The following GUCY1A2 variants were observed in gnomAD, a reference collection of about 807,000 sequenced individuals.
The protein encoded by GUCY1A2 is guanylate cyclase 1 soluble subunit alpha 2.
A neutral mutation model predicts 63.5 loss-of-function variants in GUCY1A2; 27 were observed. That is an observed-to-expected ratio of 0.43 (90% CI 0.31 to 0.59). The LOEUF (loss-of-function observed/expected upper bound fraction) is 0.59, where lower values mean the gene tolerates loss of function less well. Ranked by LOEUF, GUCY1A2 falls within the 20% of genes least tolerant of loss-of-function variation. GUCY1A2 has a pLI of 0.11. For missense variants in GUCY1A2, 768 were observed against 913.3 expected, an observed-to-expected ratio of 0.84 and a Z score of 2.05; for synonymous variants, 364 against 343.5, an observed-to-expected ratio of 1.06 and a Z score of -0.66.
At chr11:107,001,083 A>G (rs900043001) in intron 1 of GUCY1A2, among the ~76,000 whole-genome samples, 2 of 152,234 alleles carry the variant, frequency 1.3e-5, no homozygotes, top group African/African-American at 2.4e-5. Context: ...TTTTTCTTCC[A>G]CAAGTTCTGG....
At chr11:106,736,535 T>A (rs1490627657) in intron 6 of GUCY1A2, among the ~76,000 whole-genome samples, 1 of 152,194 alleles carries the variant, frequency 6.6e-6, no homozygotes, top group Non-Finnish European at 1.5e-5. Context: ...TTACCATAGC[T>A]CTGTAGTATA....
chr11:106,785,883 T>TG (rs1555031833), intron 5 of GUCY1A2, among the ~76,000 whole-genome samples: 1 of 151,780 alleles, frequency 6.6e-6, no homozygotes, highest in African/African-American at 2.4e-5. Flanking sequence ...CACCTTTTTT[T>TG]TTTTTTAAAG....
chr11:106,714,196 G>C (rs933421387), intron 6 of GUCY1A2, among the ~76,000 whole-genome samples: 1 of 151,732 alleles, frequency 6.6e-6, no homozygotes, highest in Non-Finnish European at 1.5e-5. Flanking sequence ...ATCCTTGAGG[G>C]GGCAGAGGGT....
Position 106,826,790 on chromosome 11 carries a change from C to A in GUCY1A2, c.1207-16312G>T, listed in dbSNP as rs1858976870. 4 of 1,610,280 alleles carry A rather than the reference C, an allele frequency of 2.5e-6. No individual in the cohort carries two copies. The South Asian group carries it at 4.4e-5, about 18-fold the overall frequency. On this transcript the variant is annotated intron_variant, in intron 4 of 7. Coordinates refer to ENST00000526355, the MANE Select transcript of GUCY1A2 (RefSeq NM_000855.3). ...GTCCACAGCCTCATCTGCTGCCAGACTGGGCTCAGCTGCCAGGATGTAGTA... is the reference window on the plus strand; with the variant it reads ...GTCCACAGCCTCATCTGCTGCCAGAATGGGCTCAGCTGCCAGGATGTAGTA...
chr11:106,939,595 C>A lies in GUCY1A2; in HGVS notation c.1071G>T (p.Val357=). 6.2e-7 allele frequency: 1 copy of A among 1,613,444 alleles called. No individual in the cohort carries two copies. Among genetic ancestry groups the A allele is most frequent in the Non-Finnish European group, 8.5e-7 (1 of 1,179,410 alleles). Residue 357 remains valine, a synonymous_variant, in exon 4 of 8, where the codon GTG becomes GTT. Transcript: ENST00000526355. ...TCTCGAAGCAGTCCTCAAACTTGAG[C>A]ACTTTGTGAGTGTCACATCGAAGCT... ...RKQLRCDTHK[V]LKFEDCFEIV... is the part of the protein sequence containing the mutation.
intron 4 of GUCY1A2, among the ~76,000 whole-genome samples, chr11:106,879,513 A>G (rs748412685): frequency 1.3e-5 from 2 of 152,166 alleles, no homozygotes; most frequent in African/African-American, 2.4e-5. Context: ...ATTTATCTTT[A>G]ATATGTCCAT....
chr11:106,950,167 G>A, intron 3 of GUCY1A2, among the ~76,000 whole-genome samples: 1 of 152,176 alleles, frequency 6.6e-6, no homozygotes, highest in East Asian at 1.9e-4. Context: ...TGCTAAGAAG[G>A]GGACAGGTTC....
chr11:106,685,444 G>C lies in GUCY1A2; in HGVS notation c.*2105C>G, dbSNP rs1471175469. The C allele has an allele frequency of 4.5e-6, 1 of 220,888 alleles. No individual in the cohort carries two copies. The highest frequency in any genetic ancestry group is 9.1e-6 in the Non-Finnish European group (1 of 110,436). 13.7% of individuals were successfully genotyped at this position (220,888 alleles called of 1,614,324 possible). On this transcript the variant is annotated 3_prime_UTR_variant, in exon 8 of 8. Coordinates refer to ENST00000526355, the MANE Select transcript of GUCY1A2 (RefSeq NM_000855.3). ...GCTTAGACAAATCTTTATAAAAAGTGAGAGAAATAGATTGGATATTCCTGG... is the reference window on the plus strand; with the variant it reads ...GCTTAGACAAATCTTTATAAAAAGTCAGAGAAATAGATTGGATATTCCTGG...
intron 3 of GUCY1A2, among the ~76,000 whole-genome samples, chr11:106,969,642 A>G (rs935899022): frequency 4.6e-5 from 7 of 152,236 alleles, no homozygotes; most frequent in African/African-American, 1.2e-4. Context: ...TGGCAACAAA[A>G]TAAGCTATGA....
intron 6 of GUCY1A2, among the ~76,000 whole-genome samples, chr11:106,773,860 T>G (rs532946066): frequency 6.6e-6 from 1 of 152,340 alleles, no homozygotes; most frequent in South Asian, 2.1e-4. Flanking sequence ...AGGAAGGTTT[T>G]AATTTTAATG....
rs112680804 is a variant in GUCY1A2, at chr11:106,977,356, G to C, written c.487+1263C>G. ...TTTTCTCCAGTCATAAGATTTACTT[G>C]GGTATTGTGACATCCCTGCAGTTGT... On this transcript the variant is annotated intron_variant, in intron 3 of 7. Coordinates refer to ENST00000526355, the MANE Select transcript of GUCY1A2 (RefSeq NM_000855.3). Among the ~76,000 whole-genome samples the C allele has an allele frequency of 3.3e-3, 508 of 152,170 alleles. 3 individuals are homozygous for C. Among genetic ancestry groups the C allele is most frequent in the African/African-American group, 0.012 (487 of 41,534 alleles).
intron 4 of GUCY1A2, among the ~76,000 whole-genome samples, chr11:106,926,373 G>A (rs1330339290): frequency 6.6e-6 from 1 of 151,600 alleles, no homozygotes; most frequent in Admixed American, 6.6e-5. Flanking sequence ...GAGAGGTATA[G>A]GCTGAAGTAA....
intron 4 of GUCY1A2, among the ~76,000 whole-genome samples, chr11:106,885,128 G>C (rs1013922877): frequency 6.6e-6 from 1 of 152,100 alleles, no homozygotes; most frequent in Non-Finnish European, 1.5e-5. Flanking sequence ...CATGATTTCA[G>C]TCAGGTGTTG....
At chr11:106,804,960 T>C (rs1264248014) in intron 5 of GUCY1A2, among the ~76,000 whole-genome samples, 1 of 152,210 alleles carries the variant, frequency 6.6e-6, no homozygotes, top group Non-Finnish European at 1.5e-5. Flanking sequence ...ACTTTGCTAA[T>C]TGGCCTGAAC....
chr11:106,853,305 T>C (rs1485472510), intron 4 of GUCY1A2, among the ~76,000 whole-genome samples: 3 of 152,134 alleles, frequency 2.0e-5, no homozygotes, highest in Non-Finnish European at 4.4e-5. Context: ...ATGTGTCACA[T>C]GGATGTTCTT....
intron 6 of GUCY1A2, among the ~76,000 whole-genome samples, chr11:106,724,592 G>C (rs1158237056): frequency 3.9e-5 from 6 of 152,154 alleles, no homozygotes; most frequent in Non-Finnish European, 8.8e-5. Flanking sequence ...ATCCTGAGAA[G>C]TTCTTGCTCA....
chr11:106,928,292 T>G (rs1217249848), intron 4 of GUCY1A2, among the ~76,000 whole-genome samples: 1 of 152,178 alleles, frequency 6.6e-6, no homozygotes, highest in East Asian at 1.9e-4. Flanking sequence ...GCTTGAAATC[T>G]CAATCCTTTG....
chr11:106,812,995 T>G (rs1296597715), intron 4 of GUCY1A2, among the ~76,000 whole-genome samples: 1 of 152,038 alleles, frequency 6.6e-6, no homozygotes, highest in Non-Finnish European at 1.5e-5. Flanking sequence ...ATATAAATTA[T>G]CCTTCTTGAA....
chr11:106,827,690 T>A (rs527647671), intron 4 of GUCY1A2: 4 of 1,546,684 alleles, frequency 2.6e-6, no homozygotes, highest in Non-Finnish European at 3.6e-6. Context: ...TACTTGATTG[T>A]TCTTCAACAT....
Sources: allele counts gnomAD v4.1 joint callset (sites outside exome capture counted in the v4.1 genomes callset), GRCh38; gene constraint gnomAD v4.1.1; transcripts MANE v1.5; gene names NCBI Gene and HGNC (gene_info 2026-07-23, HGNC 2026-07-21).